Variants in HAO1 observed in about 807,000 individuals in gnomAD.
The protein encoded by HAO1 is hydroxyacid oxidase 1.
A neutral mutation model predicts 39.7 loss-of-function variants in HAO1; 34 were observed. The ratio of observed to expected loss-of-function variants is 0.86; its 90% CI spans 0.65 to 1.14. The LOEUF (loss-of-function observed/expected upper bound fraction) is 1.14, where lower values mean the gene tolerates loss of function less well. HAO1 is among the 50% of genes most tolerant of loss of function. The pLI is 0.00. For missense variants in HAO1, 479 were observed against 464.5 expected (o/e 1.03, Z -0.29); for synonymous variants, 172 against 173.2 (o/e 0.99, Z 0.05).
At chr20:7,919,145 T>A (rs976298806) in intron 2 of HAO1, among the ~76,000 whole-genome samples, 1 of 152,178 alleles carries the variant, frequency 6.6e-6, no homozygotes, top group Non-Finnish European at 1.5e-5. Context: ...CTAATGTTGA[T>A]CCAAATCTAA....
At chr20:7,892,212 A>G (rs530844538) in intron 5 of HAO1, among the ~76,000 whole-genome samples, 9 of 152,084 alleles carry the variant, frequency 5.9e-5, no homozygotes, top group Admixed American at 2.6e-4. Context: ...CAGCCTCCCA[A>G]GTAGCTGGGA....
rs564857869 is a variant in HAO1 at position 7,934,550 on chromosome 20, T to C, written c.223A>G (p.Ile75Val). 8 of 1,613,576 alleles carry C rather than the reference T, an allele frequency of 5.0e-6. No individual in the cohort carries two copies. The highest frequency in any genetic ancestry group is 3.3e-5 in the Admixed American group (2 of 60,010). The change falls in exon 2 of 8, where the codon ATA (isoleucine) becomes GTA (valine). Residue 75 changes from isoleucine (I) to valine (V), a missense_variant. Transcript: ENST00000378789. The part of the protein sequence containing the change: ...SVLGQRVSMP[I>V]CVGATAMQRM... The stretch of plus-strand genomic sequence containing the variant: ...TGCATGGCCGTAGCCCCCACACATA[T>C]TGGCATGCTGACCCTCTGTCCTAAA...
chr20:7,910,934 T>C (rs2050276653), intron 3 of HAO1, among the ~76,000 whole-genome samples: 1 of 151,882 alleles, frequency 6.6e-6, no homozygotes, highest in Non-Finnish European at 1.5e-5. Flanking sequence ...CCATCAATTT[T>C]TATTGTGGTT....
intron 2 of HAO1, among the ~76,000 whole-genome samples, chr20:7,932,131 C>T (rs564510897): frequency 6.6e-6 from 1 of 152,254 alleles, no homozygotes; most frequent in South Asian, 2.1e-4. Context: ...CATTTCCCTG[C>T]TTGCACTTCT....
chr20:7,906,075 T>C (rs2050246205), intron 4 of HAO1, 79 bp downstream of exon 4: 1 of 983,396 alleles, frequency 1.0e-6, no homozygotes, highest in Non-Finnish European at 1.6e-6. Flanking sequence ...TTCCTTGTTA[T>C]TTTCCTTTAA....
chr20:7,927,148 T>A (rs1158584615), intron 2 of HAO1, among the ~76,000 whole-genome samples: 1 of 152,178 alleles, frequency 6.6e-6, no homozygotes, highest in Non-Finnish European at 1.5e-5. Context: ...CTGAGAGGTT[T>A]CCATGGCAAT....
chr20:7,895,555 T>C (rs904602488), intron 4 of HAO1, among the ~76,000 whole-genome samples: 37 of 151,524 alleles, frequency 2.4e-4, no homozygotes, highest in African/African-American at 7.8e-4. Flanking sequence ...TATACCATTT[T>C]ATCATTTAGC....
chr20:7,885,230 GATGT>G (rs903082291), intron 7 of HAO1, among the ~76,000 whole-genome samples: 12 of 152,168 alleles, frequency 7.9e-5, no homozygotes, highest in African/African-American at 2.9e-4. Flanking sequence ...TATCCAGGTA[GATGT>G]ATGTGTTCAT....
chr20:7,906,419 A>C, intron 3 of HAO1, 90 bp from the exon 4 acceptor site: 2 of 742,424 alleles, frequency 2.7e-6, no homozygotes, highest in South Asian at 3.3e-5. Context: ...ACCCTTTTCA[A>C]ATCAATTGGC....
chr20:7,929,805 A>C (rs1184549941), intron 2 of HAO1, among the ~76,000 whole-genome samples: 1 of 152,146 alleles, frequency 6.6e-6, no homozygotes, highest in Non-Finnish European at 1.5e-5. Context: ...CAGAGGTTGC[A>C]GTGAGCTGAG....
intron 2 of HAO1, among the ~76,000 whole-genome samples, chr20:7,917,244 G>A (rs148029572): frequency 1.3e-5 from 2 of 150,806 alleles, no homozygotes; most frequent in African/African-American, 4.9e-5. Flanking sequence ...GGCGACTGAA[G>A]CACTAGGATT....
intron 1 of HAO1, among the ~76,000 whole-genome samples, chr20:7,937,317 C>A (rs2050417471): frequency 1.3e-5 from 2 of 152,024 alleles, no homozygotes; most frequent in Non-Finnish European, 2.9e-5. Flanking sequence ...GTTGTGTAAT[C>A]CTATAATACT....
At chr20:7,892,481 T>A (rs1261691272) in intron 5 of HAO1, among the ~76,000 whole-genome samples, 2 of 152,180 alleles carry the variant, frequency 1.3e-5, no homozygotes, top group East Asian at 3.9e-4. Context: ...CCTGCCATCA[T>A]TTACTCCGCC....
chr20:7,892,175 C>T (rs6038976), intron 5 of HAO1, among the ~76,000 whole-genome samples: 37,168 of 151,952 alleles, frequency 0.24, 10,986 homozygotes, highest in African/African-American at 0.69. Flanking sequence ...AACCTCCAAC[C>T]CCCTGGTTCA....
At chr20:7,925,755 A>G (rs2050356242) in intron 2 of HAO1, among the ~76,000 whole-genome samples, 1 of 152,134 alleles carries the variant, frequency 6.6e-6, no homozygotes, top group South Asian at 2.1e-4. Context: ...CATCAGGCAC[A>G]TTAATAATTC....
chr20:7,897,715 TG>T (rs2050204163), intron 4 of HAO1, among the ~76,000 whole-genome samples: 1 of 152,158 alleles, frequency 6.6e-6, no homozygotes, highest in Non-Finnish European at 1.5e-5. Flanking sequence ...GAGTATCATT[TG>T]GATTTTTTAA....
intron 2 of HAO1, among the ~76,000 whole-genome samples, chr20:7,915,476 C>T (rs1474769131): frequency 2.0e-5 from 3 of 152,204 alleles, no homozygotes; most frequent in Admixed American, 2.0e-4. Context: ...GCAACATCAA[C>T]ATTTCCCTGG....
At chr20:7,886,925 C>T (rs1383547580) in intron 5 of HAO1, among the ~76,000 whole-genome samples, 1 of 152,154 alleles carries the variant, frequency 6.6e-6, no homozygotes, top group Non-Finnish European at 1.5e-5. Context: ...TTGTTTCCCC[C>T]TCATCTTTGG....
intron 5 of HAO1, among the ~76,000 whole-genome samples, chr20:7,893,456 G>A (rs2050183182): frequency 6.6e-6 from 1 of 152,148 alleles, no homozygotes; most frequent in African/African-American, 2.4e-5. Flanking sequence ...TTATGGTTTA[G>A]GAGTCATGCA....
Sources: gnomAD v4.1 joint callset for allele counts (sites outside exome capture counted in the v4.1 genomes callset) on GRCh38, gnomAD v4.1.1 for gene constraint, MANE v1.5 for transcripts, NCBI Gene and HGNC (gene_info 2026-07-23, HGNC 2026-07-21) for gene names.